PDGFD: variants seen among roughly 807,000 people sequenced by gnomAD.
PDGFD encodes the protein platelet-derived growth factor D.
A neutral mutation model predicts 44.7 loss-of-function variants in PDGFD; 30 were observed. That is an observed-to-expected ratio of 0.67 (90% CI 0.50 to 0.91). The LOEUF (loss-of-function observed/expected upper bound fraction) is 0.91, where lower values mean the gene tolerates loss of function less well. Ranked by LOEUF, PDGFD falls within the 40% of genes least tolerant of loss-of-function variation. The pLI is 0.00. For missense variants in PDGFD, 445 were observed against 457.8 expected, an observed-to-expected ratio of 0.97 and a Z score of 0.25; for synonymous variants, 173 against 168.4, an observed-to-expected ratio of 1.03 and a Z score of -0.21.
At chr11:104,006,161 C>G (rs1591117740) in intron 1 of PDGFD, among the ~76,000 whole-genome samples, 1 of 152,210 alleles carries the variant, frequency 6.6e-6, no homozygotes, top group East Asian at 1.9e-4. Flanking sequence ...ATGTGGTCCC[C>G]AGAGCATCAT....
intron 3 of PDGFD, among the ~76,000 whole-genome samples, chr11:103,969,697 T>G (rs933037996): frequency 1.3e-5 from 2 of 152,024 alleles, no homozygotes; most frequent in Admixed American, 1.3e-4. Context: ...TTGACTCTGC[T>G]AACAGAGTTC....
chr11:103,919,859 G>GA (rs11452262), intron 6 of PDGFD, among the ~76,000 whole-genome samples: 85,358 of 148,860 alleles, frequency 0.57, 25,662 homozygotes, highest in African/African-American at 0.79. Flanking sequence ...GTTTCTCAAG[G>GA]AAAAAAAAAA....
At chr11:104,047,388 C>T (rs2134403600) in intron 1 of PDGFD, among the ~76,000 whole-genome samples, 1 of 147,518 alleles carries the variant, frequency 6.8e-6, no homozygotes, top group South Asian at 2.3e-4. Context: ...TTCTCCACAT[C>T]CTCTCCAGCA....
chr11:104,049,149 G>C (rs1297279025), intron 1 of PDGFD, among the ~76,000 whole-genome samples: 1 of 152,138 alleles, frequency 6.6e-6, no homozygotes, highest in Admixed American at 6.5e-5. Context: ...TTCAGGGACA[G>C]ATATCTTCTA....
At chr11:103,990,940 C>T (rs1859441557) in intron 3 of PDGFD, among the ~76,000 whole-genome samples, 1 of 151,974 alleles carries the variant, frequency 6.6e-6, no homozygotes, top group Non-Finnish European at 1.5e-5. Flanking sequence ...GAGGTCGAGA[C>T]CATCCTGGCT....
chr11:104,113,293 C>A (rs944595736), intron 1 of PDGFD, among the ~76,000 whole-genome samples: 5 of 152,018 alleles, frequency 3.3e-5, no homozygotes, highest in African/African-American at 1.2e-4. Context: ...ATGTCCAAAT[C>A]GAAGCTCCTA....
rs575640395 is a variant in PDGFD at position 104,041,033 on chromosome 11, C to T, written c.125-40778G>A. 2.0e-5 allele frequency among the ~76,000 whole-genome samples: 3 copies of T among 152,032 alleles called. No homozygotes were observed. In the East Asian group the frequency reaches 5.8e-4, roughly 29 times the overall value. The stretch of plus-strand genomic sequence containing the variant: ...CTTCTTTATCTGACATATTTTAATG[C>T]TAGGTCAAAAACTGCAAAATTCTTA... On this transcript the variant is annotated intron_variant, in intron 1 of 6. Coordinates refer to ENST00000393158, the MANE Select transcript of PDGFD (RefSeq NM_025208.5).
chr11:103,941,209 G>A (rs1565290286), intron 5 of PDGFD, among the ~76,000 whole-genome samples: 1 of 151,998 alleles, frequency 6.6e-6, no homozygotes, highest in South Asian at 2.1e-4. Flanking sequence ...TGTATCTGGG[G>A]TGGGACTAGG....
chr11:104,098,928 A>C (rs947100908), intron 1 of PDGFD, among the ~76,000 whole-genome samples: 2 of 152,190 alleles, frequency 1.3e-5, no homozygotes, highest in Admixed American at 1.3e-4. Flanking sequence ...TATCTTTGAG[A>C]CGGTAGGTGA....
At chr11:104,098,507 C>CTTT (rs34351974) in intron 1 of PDGFD, among the ~76,000 whole-genome samples, 251 of 140,318 alleles carry the variant, frequency 1.8e-3, no homozygotes, top group Middle Eastern at 7.5e-3. Flanking sequence ...TTCTGTTTCT[C>CTTT]TTTTTTTTTT....
intron 3 of PDGFD, among the ~76,000 whole-genome samples, chr11:103,954,115 G>A (rs1349580471): frequency 6.6e-6 from 1 of 152,288 alleles, no homozygotes; most frequent in East Asian, 1.9e-4. Context: ...ATATGAGTGG[G>A]AATTTCCATT....
At chr11:103,935,132 G>A (rs1259726450) in intron 5 of PDGFD, among the ~76,000 whole-genome samples, 1 of 152,154 alleles carries the variant, frequency 6.6e-6, no homozygotes, top group Admixed American at 6.6e-5. Context: ...GCTTTCCACT[G>A]TCAACTGGAT....
chr11:104,058,878 C>A (rs74517218), intron 1 of PDGFD, among the ~76,000 whole-genome samples: 3,054 of 152,230 alleles, frequency 0.02, 102 homozygotes, highest in African/African-American at 0.07. Context: ...AGAAGCGAGA[C>A]ACACAAGGCT....
chr11:103,978,514 T>C (rs1253126601), intron 3 of PDGFD, among the ~76,000 whole-genome samples: 19 of 152,030 alleles, frequency 1.2e-4, no homozygotes, highest in Non-Finnish European at 1.5e-5. Context: ...CAAGTGTGAA[T>C]TGAGAGAAAC....
chr11:103,966,280 C>G (rs1411501539), intron 3 of PDGFD, among the ~76,000 whole-genome samples: 2 of 152,240 alleles, frequency 1.3e-5, no homozygotes, highest in Non-Finnish European at 2.9e-5. Flanking sequence ...AGAAAGCTAG[C>G]TATTTGCTTT....
At chr11:103,938,722 A>G (rs1173757974) in intron 5 of PDGFD, among the ~76,000 whole-genome samples, 1 of 152,116 alleles carries the variant, frequency 6.6e-6, no homozygotes, top group African/African-American at 2.4e-5. Flanking sequence ...ATCTTGAATT[A>G]ATTTTTGTAT....
At chr11:104,043,141 T>C (rs1308485003) in intron 1 of PDGFD, among the ~76,000 whole-genome samples, 1 of 152,168 alleles carries the variant, frequency 6.6e-6, no homozygotes, top group Admixed American at 6.5e-5. Context: ...AACTCAGTAC[T>C]GAATCACAAA....
intron 3 of PDGFD, among the ~76,000 whole-genome samples, chr11:103,984,644 A>G (rs932838862): frequency 6.6e-6 from 1 of 151,320 alleles, no homozygotes; most frequent in Admixed American, 6.6e-5. Flanking sequence ...TTTTGTTTAC[A>G]TTTCTACATA....
chr11:104,064,960 T>A (rs928006911), intron 1 of PDGFD, among the ~76,000 whole-genome samples: 1 of 152,110 alleles, frequency 6.6e-6, no homozygotes, highest in Non-Finnish European at 1.5e-5. Flanking sequence ...CAAAGGAGAT[T>A]AACATTTGAG....
Sources: gnomAD v4.1 joint callset for allele counts (sites outside exome capture counted in the v4.1 genomes callset) on GRCh38, gnomAD v4.1.1 for gene constraint, MANE v1.5 for transcripts, NCBI Gene and HGNC (gene_info 2026-07-23, HGNC 2026-07-21) for gene names.